The following PCCA variants were observed in gnomAD, a reference collection of about 807,000 sequenced individuals.
PCCA encodes propionyl-CoA carboxylase alpha chain, mitochondrial.
PCCA carries 74 observed loss-of-function variants against 101.3 expected under a neutral mutation model. The ratio of observed to expected loss-of-function variants is 0.73; its 90% CI spans 0.61 to 0.89. The LOEUF is 0.89. PCCA is among the 40% of genes least tolerant of loss of function. PCCA has a pLI of 0.00. For missense variants in PCCA, 891 were observed against 907.0 expected, an observed-to-expected ratio of 0.98 and a Z score of 0.23; for synonymous variants, 294 against 313.6, an observed-to-expected ratio of 0.94 and a Z score of 0.66.
chr13:100,161,130 CAT>C (rs2054425531), intron 6 of PCCA: 1 of 152,144 alleles, frequency 6.6e-6, no homozygotes, highest in Admixed American at 6.5e-5. Context: ...CAAGATAAGA[CAT>C]GTAACTACTG....
In PCCA at chr13:100,527,685, G is replaced by A; in HGVS notation, c.2051G>A (p.Gly684Asp). The A allele has an allele frequency of 1.2e-6, 2 of 1,613,644 alleles. No individual in the cohort carries two copies. The highest frequency in any genetic ancestry group is 1.7e-6 in the Non-Finnish European group (2 of 1,179,576). ...SVKPGDAVAEGQEICVIEAMK... is the reference protein window; with the variant it reads ...SVKPGDAVAEDQEICVIEAMK... ...ATTTTTGTTTTCCAGGTAGCAGAAG[G>A]TCAAGAAATTTGTGTGATTGAAGCC... is the stretch of plus-strand genomic sequence containing the variant. Residue 684 changes from glycine to aspartate, a missense_variant, in exon 23 of 24, where the codon GGT (glycine) becomes GAT (aspartate). By Grantham distance (94) the Gly-to-Asp change is moderately conservative. Coordinates refer to ENST00000376285, the MANE Select transcript of PCCA (RefSeq NM_000282.4).
At chr13:100,237,982 A>C (rs1457287906) in intron 8 of PCCA, among the ~76,000 whole-genome samples, 4 of 135,498 alleles carry the variant, frequency 3.0e-5, no homozygotes, top group Non-Finnish European at 4.6e-5. Flanking sequence ...CTTGTTGCCC[A>C]GGTTGGAGTG....
Position 100,089,110 on chromosome 13 carries a change from C to T in PCCA, c.-11C>T, listed in dbSNP as rs1179895155. The T allele has an allele frequency of 2.0e-6, 3 of 1,484,254 alleles. No individual in the cohort carries two copies. The highest frequency in any genetic ancestry group is 1.8e-6 in the Non-Finnish European group (2 of 1,112,732). 91.9% of individuals were successfully genotyped at this position (1,484,254 alleles called of 1,614,324 possible). On this transcript the variant is annotated 5_prime_UTR_variant, in exon 1 of 24. Transcript: ENST00000376285. ...GAGAGGTCAGCAGAGGGGCGGTCTG[C>T]GGGGACAACAATGGCGGGGTTCTGG...
rs370168411 is a variant in PCCA at position 100,530,406 on chromosome 13, TAAATC to T, written c.*243_*247del. The T allele has an allele frequency of 2.8e-4, 167 of 590,608 alleles. 1 individual carries two copies. Among genetic ancestry groups the T allele is most frequent in the African/African-American group, 2.6e-3 (140 of 53,884 alleles). 36.6% of individuals were successfully genotyped at this position (590,608 alleles called of 1,614,324 possible). A position where few individuals can be genotyped will look rare whatever the true frequency, so the allele number is the denominator to read the frequency against. ...CTGTGAGATTCCCTAGTGTCAAAAT[TAAATC>T]AATAAAACTGAGCATTTGTCTAAAT... is the stretch of plus-strand genomic sequence containing the variant. On this transcript the variant is annotated 3_prime_UTR_variant, in exon 24 of 24. Transcript: ENST00000376285.
intron 21 of PCCA, among the ~76,000 whole-genome samples, chr13:100,500,077 TCTTA>T (rs1215379450): frequency 8.5e-5 from 13 of 152,350 alleles, no homozygotes; most frequent in African/African-American, 3.1e-4. Context: ...AAGAATGGAA[TCTTA>T]CTTACCACCC....
At chr13:100,524,699 C>G (rs2087604969) in intron 22 of PCCA, among the ~76,000 whole-genome samples, 1 of 152,094 alleles carries the variant, frequency 6.6e-6, no homozygotes, top group Non-Finnish European at 1.5e-5. Flanking sequence ...TGGTAATACC[C>G]TATCTGTACT....
intron 20 of PCCA, among the ~76,000 whole-genome samples, chr13:100,427,818 A>G (rs2079257897): frequency 6.6e-6 from 1 of 151,850 alleles, no homozygotes. Flanking sequence ...CATTATATCG[A>G]CTCTTTCCAA....
At chr13:100,129,873 C>T (rs1350848856) in intron 4 of PCCA, among the ~76,000 whole-genome samples, 1 of 152,202 alleles carries the variant, frequency 6.6e-6, no homozygotes, top group African/African-American at 2.4e-5. Flanking sequence ...CTTCCTGCTT[C>T]TGAGGAACCA....
intron 18 of PCCA, among the ~76,000 whole-genome samples, chr13:100,341,770 A>G (rs1185281284): frequency 2.6e-5 from 4 of 151,962 alleles, no homozygotes; most frequent in African/African-American, 9.7e-5. Context: ...ATTATTTCAG[A>G]AGTTCTGAGT....
At chr13:100,142,101 T>C (rs117206117) in intron 4 of PCCA, among the ~76,000 whole-genome samples, 9,696 of 152,206 alleles carry the variant, frequency 0.064, 411 homozygotes, top group South Asian at 0.099. Flanking sequence ...TTTTTTTTTC[T>C]CTAGTCTTTT....
chr13:100,242,819 A>G (rs1244739333), intron 8 of PCCA, among the ~76,000 whole-genome samples: 10 of 152,204 alleles, frequency 6.6e-5, no homozygotes, highest in Admixed American at 2.0e-4. Context: ...ATTCTCTGCA[A>G]TATATAAATT....
chr13:100,273,130 T>C (rs1218630014), intron 11 of PCCA, 66 bp from the exon 12 acceptor site: 2 of 1,158,556 alleles, frequency 1.7e-6, no homozygotes, highest in Non-Finnish European at 2.6e-6. Context: ...AATGTTTATG[T>C]AATGCACACA....
intron 7 of PCCA, among the ~76,000 whole-genome samples, chr13:100,212,664 A>G (rs903779597): frequency 6.6e-6 from 1 of 152,084 alleles, no homozygotes; most frequent in African/African-American, 2.4e-5. Context: ...TCTTGCTTCC[A>G]TCCAATTAAT....
chr13:100,318,052 C>G (rs1447389861), intron 16 of PCCA, among the ~76,000 whole-genome samples: 1 of 152,154 alleles, frequency 6.6e-6, no homozygotes, highest in Non-Finnish European at 1.5e-5. Context: ...TCCATCTTCC[C>G]TCTTGCCCTT....
chr13:100,488,420 C>G (rs534307709), intron 21 of PCCA, among the ~76,000 whole-genome samples: 1 of 152,028 alleles, frequency 6.6e-6, no homozygotes, highest in Admixed American at 6.6e-5. Flanking sequence ...TTAAGAAACA[C>G]AGTAATCTTT....
intron 16 of PCCA, among the ~76,000 whole-genome samples, chr13:100,325,789 T>C (rs1368461608): frequency 2.6e-5 from 4 of 152,152 alleles, no homozygotes; most frequent in South Asian, 2.1e-4. Context: ...ATTGACTCCA[T>C]TGATGCTTTG....
At chr13:100,133,235 ATTTG>A (rs2050737191) in intron 4 of PCCA, among the ~76,000 whole-genome samples, 1 of 151,910 alleles carries the variant, frequency 6.6e-6, no homozygotes, top group African/African-American at 2.4e-5. Context: ...TTTTTAATTC[ATTTG>A]TTTGTTTGTT....
At chr13:100,170,504 C>T (rs2055525308) in intron 6 of PCCA, among the ~76,000 whole-genome samples, 1 of 152,152 alleles carries the variant, frequency 6.6e-6, no homozygotes, top group South Asian at 2.1e-4. Flanking sequence ...CCTAAGTTAC[C>T]ATTTTGACTC....
chr13:100,316,985 G>C (rs1352606113), intron 16 of PCCA, among the ~76,000 whole-genome samples: 1 of 152,006 alleles, frequency 6.6e-6, no homozygotes, highest in Non-Finnish European at 1.5e-5. Flanking sequence ...TGTTGGTCAG[G>C]CTGGTCTCAA....
Sources: allele counts gnomAD v4.1 joint callset (sites outside exome capture counted in the v4.1 genomes callset), GRCh38; gene constraint gnomAD v4.1.1; transcripts MANE v1.5; gene names NCBI Gene and HGNC (gene_info 2026-07-23, HGNC 2026-07-21).